The following CEP63 variants were observed in gnomAD, a reference collection of about 807,000 sequenced individuals.
CEP63 encodes the protein centrosomal protein of 63 kDa.
In CEP63, 84 loss-of-function variants were observed where a neutral mutation model predicts 89.1. The observed-to-expected ratio is 0.94, with a 90% CI of 0.79 to 1.13. The LOEUF is 1.13. Ranked by LOEUF, CEP63 falls within the 50% of genes most tolerant of loss-of-function variation. CEP63 has a pLI of 0.00. For missense variants in CEP63, 838 were observed against 813.3 expected, an observed-to-expected ratio of 1.03 and a Z score of -0.37; for synonymous variants, 267 against 272.5, an observed-to-expected ratio of 0.98 and a Z score of 0.20.
rs765578373 is a variant in CEP63 at position 134,537,139 on chromosome 3, C to T, written c.442-16C>T. 1 of 1,532,772 alleles carries T rather than the reference C, an allele frequency of 6.5e-7. No homozygotes were observed. The highest frequency in any genetic ancestry group is 1.4e-5 in the African/African-American group (1 of 73,290). The allele number at this position is 1,532,772 out of a possible 1,614,324, so 94.9% of individuals were successfully genotyped here. ...GAGAAGCACTCAGAAATTAAGTACT[C>T]TAATTGCCTCCTCAGGAATTCCGTC... On this transcript the variant is annotated splice_polypyrimidine_tract_variant and intron_variant, in intron 5 of 14. Coordinates refer to ENST00000675561, the MANE Select transcript of CEP63 (RefSeq NM_001353108.3).
chr3:134,626,939 A>C, the CEP63 span, among the ~76,000 whole-genome samples: 3,923 of 152,300 alleles, frequency 0.026, 75 homozygotes, highest in South Asian at 0.053. Flanking sequence ...AAGAGCCATC[A>C]GGGCGATCTA....
chr3:134,500,394 A>G (rs933948445), intron 2 of CEP63, among the ~76,000 whole-genome samples: 2 of 152,064 alleles, frequency 1.3e-5, no homozygotes, highest in Non-Finnish European at 2.9e-5. Flanking sequence ...TGGTGTTGCG[A>G]TGAACATGTG....
the CEP63 span, among the ~76,000 whole-genome samples, chr3:134,645,445 G>C: frequency 6.6e-6 from 1 of 152,216 alleles, no homozygotes; most frequent in Non-Finnish European, 1.5e-5. Context: ...AAGCCATCCA[G>C]TTACCAGGGC....
intron 5 of CEP63, among the ~76,000 whole-genome samples, chr3:134,534,633 A>G (rs887200100): frequency 6.6e-6 from 1 of 152,156 alleles, no homozygotes; most frequent in Non-Finnish European, 1.5e-5. Context: ...GCAGAATCAC[A>G]GTTCTGCTTA....
the CEP63 span, among the ~76,000 whole-genome samples, chr3:134,722,893 G>T: frequency 4.6e-5 from 7 of 152,186 alleles, no homozygotes; most frequent in African/African-American, 1.4e-4. Context: ...CTACATCCAA[G>T]ATGTGGATAA....
chr3:134,694,588 C>G, the CEP63 span, among the ~76,000 whole-genome samples: 5 of 152,206 alleles, frequency 3.3e-5, no homozygotes, highest in Non-Finnish European at 7.3e-5. Flanking sequence ...GTGTCACTGT[C>G]CTCCAGGGCT....
the CEP63 span, among the ~76,000 whole-genome samples, chr3:134,677,464 C>T: frequency 3.9e-5 from 6 of 152,152 alleles, no homozygotes; most frequent in African/African-American, 1.4e-4. Flanking sequence ...CTTCATGGTC[C>T]TCTTGTGCTT....
chr3:134,780,283 A>G, the CEP63 span, among the ~76,000 whole-genome samples: 1 of 152,198 alleles, frequency 6.6e-6, no homozygotes, highest in African/African-American at 2.4e-5. Flanking sequence ...TATAATATAA[A>G]ATTTTCATTT....
At chr3:134,773,722 T>C in the CEP63 span, among the ~76,000 whole-genome samples, 1 of 151,928 alleles carries the variant, frequency 6.6e-6, no homozygotes, top group Non-Finnish European at 1.5e-5. Flanking sequence ...TCTGTTTACA[T>C]CCCCTGATTA....
chr3:134,740,408 C>T, the CEP63 span, among the ~76,000 whole-genome samples: 1,422 of 152,184 alleles, frequency 9.3e-3, 26 homozygotes, highest in African/African-American at 0.032. Context: ...CACTATTCTC[C>T]TGCCTCAGCC....
the CEP63 span, among the ~76,000 whole-genome samples, chr3:134,648,466 T>C: frequency 2.6e-5 from 4 of 152,296 alleles, no homozygotes; most frequent in South Asian, 2.1e-4. Context: ...TCAAAGCTCA[T>C]TGGGTCTTGC....
At chr3:134,539,577 G>C (rs1012926641) in intron 6 of CEP63, among the ~76,000 whole-genome samples, 3 of 151,998 alleles carry the variant, frequency 2.0e-5, no homozygotes, top group Non-Finnish European at 4.4e-5. Context: ...GAATGTTTGA[G>C]TCAGAATCCA....
rs111786624 is a variant in CEP63 at position 134,501,016 on chromosome 3, A to T, written c.44+5652A>T. ...ATCCATCTTGAATTAATTTTTGCAT[A>T]TGGTGAGGAAGTGTAGGGGTTGAGT... On this transcript the variant is annotated intron_variant, in intron 2 of 14. Coordinates refer to ENST00000675561, the MANE Select transcript of CEP63 (RefSeq NM_001353108.3). 6.3e-3 allele frequency among the ~76,000 whole-genome samples: 962 copies of T among 152,306 alleles called. 6 individuals are homozygous for T. The highest frequency in any genetic ancestry group is 0.022 in the African/African-American group (924 of 41,552).
the CEP63 span, chr3:134,647,594 C>G: frequency 8.9e-6 from 6 of 674,438 alleles, no homozygotes; most frequent in South Asian, 9.3e-5. Context: ...GCAGGTGGAT[C>G]TTGGCTCTCT....
chr3:134,629,615 A>C, the CEP63 span: 1 of 1,593,208 alleles, frequency 6.3e-7, no homozygotes, highest in Non-Finnish European at 8.6e-7. Flanking sequence ...CCTGTGTCAT[A>C]CATACGTTTA....
In CEP63 at chr3:134,546,061, T is replaced by A. The variant is rs1577268263; in HGVS notation, c.790-88T>A. 11 of 1,413,946 alleles carry A rather than the reference T, an allele frequency of 7.8e-6. No homozygotes were observed. The East Asian group carries it at 2.6e-4, about 33-fold the overall frequency. 87.6% of individuals were successfully genotyped at this position (1,413,946 alleles called of 1,614,324 possible). On this transcript the variant is annotated intron_variant, in intron 7 of 14. Coordinates refer to ENST00000675561, the MANE Select transcript of CEP63 (RefSeq NM_001353108.3). ...TCGTGAAATAGAAAAATTGTAATAA[T>A]AGCTGGCTTAGAAATTTCTGAGTAT...
chr3:134,733,031 G>A, the CEP63 span, among the ~76,000 whole-genome samples: 2 of 152,188 alleles, frequency 1.3e-5, no homozygotes, highest in Non-Finnish European at 2.9e-5. Flanking sequence ...GAGGACATTA[G>A]CACAATGTTA....
At chr3:134,566,979 A>G (rs1290339740), downstream of CEP63, among the ~76,000 whole-genome samples, 5 of 152,362 alleles carry the variant, frequency 3.3e-5, no homozygotes, top group East Asian at 9.6e-4. Context: ...GATCTTAGCA[A>G]CATTATTCAC....
chr3:134,488,293 C>G (rs1048157069), intron 1 of CEP63, among the ~76,000 whole-genome samples: 1 of 152,190 alleles, frequency 6.6e-6, no homozygotes, highest in Admixed American at 6.5e-5. Flanking sequence ...GCCCCTAACC[C>G]TGTCCATGTG....
Sources: allele counts gnomAD v4.1 joint callset (sites outside exome capture counted in the v4.1 genomes callset), GRCh38; gene constraint gnomAD v4.1.1; transcripts MANE v1.5; gene names NCBI Gene and HGNC (gene_info 2026-07-23, HGNC 2026-07-21).